Variants in PARP11 observed in about 807,000 individuals in gnomAD.
PARP11 encodes poly(ADP-ribose) polymerase family member 11.
In PARP11, 31 loss-of-function variants were observed where a neutral mutation model predicts 42.9. The observed-to-expected ratio is 0.72, with a 90% CI of 0.54 to 0.98. The LOEUF is 0.98. PARP11 is among the 50% of genes least tolerant of loss of function. The pLI, the probability that PARP11 is intolerant of heterozygous loss-of-function variation, is 0.00. For synonymous variants in PARP11, 137 were observed against 127.3 expected (o/e 1.08, Z -0.51); for missense variants, 365 against 413.1 (o/e 0.88, Z 1.01).
At chr12:3,863,955 A>G (rs1385452742) in intron 1 of PARP11, 1 of 152,172 alleles carries the variant, frequency 6.6e-6, no homozygotes, top group Admixed American at 6.5e-5. Context: ...GCATGCAAAT[A>G]CACTATTAAG....
In PARP11 at chr12:3,837,879, T is replaced by C. The variant is rs936519166; in HGVS notation, c.19-7861A>G. The stretch of plus-strand genomic sequence containing the variant: ...AAAGAAGGTCAATAAATAATGATAA[T>C]GGGGTCAACGAAGCAAGTGGACATA... On this transcript the variant is annotated intron_variant, in intron 1 of 7. Transcript: ENST00000228820. Among the ~76,000 whole-genome samples the C allele has an allele frequency of 1.9e-4, 29 of 151,692 alleles. No homozygotes were observed. In the South Asian group the frequency reaches 2.5e-3, roughly 13 times the overall value.
At chr12:3,845,867 G>A (rs1260043522) in intron 1 of PARP11, among the ~76,000 whole-genome samples, 3 of 152,164 alleles carry the variant, frequency 2.0e-5, no homozygotes, top group Admixed American at 6.5e-5. Flanking sequence ...GAAGAGGAGT[G>A]GGTGCATGTC....
intron 1 of PARP11, among the ~76,000 whole-genome samples, chr12:3,835,605 C>G (rs957392589): frequency 1.3e-5 from 2 of 152,112 alleles, no homozygotes; most frequent in Non-Finnish European, 2.9e-5. Context: ...CAAATATGCT[C>G]AAAGACATAA....
intron 1 of PARP11, among the ~76,000 whole-genome samples, chr12:3,843,526 G>C (rs1281500005): frequency 6.6e-6 from 1 of 152,142 alleles, no homozygotes; most frequent in African/African-American, 2.4e-5. Flanking sequence ...TGTTCTCCTT[G>C]TCAGGGCTGG....
intron 1 of PARP11, chr12:3,832,114 C>G (rs1947654402): frequency 2.0e-6 from 2 of 977,544 alleles, no homozygotes; most frequent in Non-Finnish European, 2.4e-6. Flanking sequence ...AACACCTTAC[C>G]TAAGACTTCG....
At position 3,821,976 on chromosome 12, in the gene PARP11, C is replaced by A. The variant is rs1396248877; in HGVS notation, c.445G>T (p.Glu149Ter). ...QLIPLHNQTH[E>*]YNEVANLFGK... Reference sequence around the variant, plus strand: ...AAGAGATTAGCAACTTCATTATATTCATGTGTTTGATTGTGCAGAGGAATA... The same window carrying A: ...AAGAGATTAGCAACTTCATTATATTAATGTGTTTGATTGTGCAGAGGAATA... The change falls in exon 6 of 8, where the codon GAA becomes TAA. Residue 149 changes from glutamate (E) to a stop codon, truncating the protein, a stop_gained. Coordinates refer to ENST00000228820, the MANE Select transcript of PARP11 (RefSeq NM_020367.6). LOFTEE classifies it high-confidence loss of function. The A allele has an allele frequency of 6.2e-7, 1 of 1,610,136 alleles. No individual in the cohort carries two copies. The highest frequency in any genetic ancestry group is 1.3e-5 in the African/African-American group (1 of 74,678).
chr12:3,837,465 A>G (rs890140839), intron 1 of PARP11, among the ~76,000 whole-genome samples: 1 of 152,266 alleles, frequency 6.6e-6, no homozygotes, highest in African/African-American at 2.4e-5. Flanking sequence ...CACTAAAAAT[A>G]AAAACTAATG....
chr12:3,821,663 G>T (rs1947395168), intron 6 of PARP11, among the ~76,000 whole-genome samples: 2 of 152,174 alleles, frequency 1.3e-5, no homozygotes, highest in African/African-American at 4.8e-5. Flanking sequence ...TGAAAGGAAG[G>T]AGCTTCTCAC....
rs1326463181 is a variant in PARP11, at chr12:3,812,039, C to T, written c.*84G>A. 2 of 992,444 alleles carry T rather than the reference C, an allele frequency of 2.0e-6. No individual in the cohort carries two copies. The highest frequency in any genetic ancestry group is 1.5e-6 in the Non-Finnish European group (1 of 672,810). 61.5% of individuals were successfully genotyped at this position (992,444 alleles called of 1,614,324 possible). A position where few individuals can be genotyped will look rare whatever the true frequency, so the allele number is the denominator to read the frequency against. On this transcript the variant is annotated 3_prime_UTR_variant, in exon 8 of 8. Coordinates refer to ENST00000228820, the MANE Select transcript of PARP11 (RefSeq NM_020367.6). ...TGTTTCAAAAGTATCAGATAATTAA[C>T]ATTTAGTGGCTAGATGACTGAAGAG...
chr12:3,849,327 T>C (rs544208051), intron 1 of PARP11, among the ~76,000 whole-genome samples: 7 of 151,776 alleles, frequency 4.6e-5, no homozygotes, highest in South Asian at 2.1e-4. Context: ...AGAAAAAAAA[T>C]CAGTACACTG....
intron 6 of PARP11, 139 bp from the exon 7 acceptor site, chr12:3,814,327 G>T: frequency 1.7e-6 from 1 of 586,468 alleles, no homozygotes; most frequent in Non-Finnish European, 2.6e-6. Context: ...GACAAAGCAA[G>T]TCTAGAAAAG....
At chr12:3,841,919 G>A (rs1267026493) in intron 1 of PARP11, 4 of 1,607,768 alleles carry the variant, frequency 2.5e-6, no homozygotes, top group Non-Finnish European at 3.4e-6. Context: ...CCAGCAGCCA[G>A]GAGTGAACAT....
chr12:3,841,838 A>G, intron 1 of PARP11: 1 of 1,609,058 alleles, frequency 6.2e-7, no homozygotes, highest in Non-Finnish European at 8.5e-7. Flanking sequence ...GAGAAAGGAG[A>G]ATTGGATCTG....
At chr12:3,817,715 C>T (rs1197568556) in intron 6 of PARP11, among the ~76,000 whole-genome samples, 1 of 152,202 alleles carries the variant, frequency 6.6e-6, no homozygotes, top group Non-Finnish European at 1.5e-5. Flanking sequence ...GAGTGCCAAA[C>T]TGGCTAAAGT....
rs191200932 is a variant in PARP11 at position 3,812,477 on chromosome 12, C to T, written c.701-38G>A. 3.8e-4 allele frequency: 553 copies of T among 1,460,678 alleles called. 1 individual carries two copies. Among genetic ancestry groups the T allele is most frequent in the African/African-American group, 1.8e-3 (125 of 70,556 alleles). 90.5% of individuals were successfully genotyped at this position (1,460,678 alleles called of 1,614,324 possible). A position where few individuals can be genotyped will look rare whatever the true frequency, so the allele number is the denominator to read the frequency against. ...GGACCAAGAAAAGCCAAGATTACTC[C>T]GAAGAATATATTAAAAACAAGCAAA... is the stretch of plus-strand genomic sequence containing the variant. On this transcript the variant is annotated intron_variant, in intron 7 of 7. Transcript: ENST00000228820.
chr12:3,824,103 T>C (rs1947465890), intron 4 of PARP11, among the ~76,000 whole-genome samples: 1 of 152,188 alleles, frequency 6.6e-6, no homozygotes, highest in African/African-American at 2.4e-5. Context: ...TCACCAGAAA[T>C]ATAGAAATCA....
intron 3 of PARP11, among the ~76,000 whole-genome samples, chr12:3,826,774 C>A (rs1472867368): frequency 6.6e-6 from 1 of 152,136 alleles, no homozygotes; most frequent in African/African-American, 2.4e-5. Context: ...AGACCCAGTA[C>A]AAACTTACAT....
chr12:3,843,538 A>G (rs1947935643), intron 1 of PARP11, among the ~76,000 whole-genome samples: 1 of 152,212 alleles, frequency 6.6e-6, no homozygotes, highest in Non-Finnish European at 1.5e-5. Flanking sequence ...CAGGGCTGGA[A>G]CTATCGTATA....
chr12:3,839,392 A>T, intron 1 of PARP11: 1 of 1,558,566 alleles, frequency 6.4e-7, no homozygotes, highest in Non-Finnish European at 8.7e-7. Context: ...CTATCTGCGG[A>T]AACTGGGCTT....
Sources: allele counts gnomAD v4.1 joint callset (sites outside exome capture counted in the v4.1 genomes callset), GRCh38; gene constraint gnomAD v4.1.1; transcripts MANE v1.5; gene names NCBI Gene and HGNC (gene_info 2026-07-23, HGNC 2026-07-21).